EPHA4: variants seen among roughly 807,000 people sequenced by gnomAD.
The protein encoded by EPHA4 is EPH receptor A4.
EPHA4 carries 19 observed loss-of-function variants against 108.3 expected under a neutral mutation model. The ratio of observed to expected loss-of-function variants is 0.18; its 90% CI spans 0.12 to 0.26. The LOEUF is 0.26. EPHA4 is among the 10% of genes least tolerant of loss of function. The pLI is 1.00. For missense variants in EPHA4, 917 were observed against 1,254.0 expected (o/e 0.73, Z 4.06); for synonymous variants, 449 against 455.5 (o/e 0.99, Z 0.18).
At chr2:221,533,230 A>T (rs1234365268) in intron 3 of EPHA4, among the ~76,000 whole-genome samples, 1 of 152,230 alleles carries the variant, frequency 6.6e-6, no homozygotes, top group Non-Finnish European at 1.5e-5. Context: ...ACCATCAGGC[A>T]GCCCCATAGC....
chr2:221,515,904 T>C (rs1356188990), intron 3 of EPHA4, among the ~76,000 whole-genome samples: 2 of 151,406 alleles, frequency 1.3e-5, no homozygotes. Context: ...TAAAATAGGA[T>C]TTTTTCCCCC....
chr2:221,516,481 A>G, intron 3 of EPHA4, among the ~76,000 whole-genome samples: 1 of 151,668 alleles, frequency 6.6e-6, no homozygotes, highest in East Asian at 1.9e-4. Flanking sequence ...CTGCCTCCCA[A>G]GTAGCTGGGA....
intron 3 of EPHA4, among the ~76,000 whole-genome samples, chr2:221,522,792 T>C (rs1330505035): frequency 6.6e-6 from 1 of 151,694 alleles, no homozygotes; most frequent in Non-Finnish European, 1.5e-5. Flanking sequence ...AGACGGAGTC[T>C]CCCTCAGTTG....
intron 2 of EPHA4, among the ~76,000 whole-genome samples, chr2:221,564,939 T>C (rs1296663592): frequency 6.9e-6 from 1 of 145,568 alleles, no homozygotes; most frequent in Middle Eastern, 3.3e-3. Context: ...GCACCCTCAC[T>C]ACTCTTTAAA....
At chr2:221,535,947 C>T (rs1215718086) in intron 3 of EPHA4, among the ~76,000 whole-genome samples, 1 of 152,208 alleles carries the variant, frequency 6.6e-6, no homozygotes, top group Non-Finnish European at 1.5e-5. Context: ...CAAAACTCAG[C>T]TCCACCTACC....
intron 3 of EPHA4, among the ~76,000 whole-genome samples, chr2:221,519,377 C>T (rs566422518): frequency 2.6e-5 from 4 of 152,172 alleles, no homozygotes; most frequent in South Asian, 2.1e-4. Context: ...GACCTTAAGT[C>T]GGAGACAACA....
At chr2:221,432,254 G>C (rs1321861532) in intron 14 of EPHA4, among the ~76,000 whole-genome samples, 1 of 151,960 alleles carries the variant, frequency 6.6e-6, no homozygotes, top group Admixed American at 6.6e-5. Flanking sequence ...ACGAACATTT[G>C]GCCATGATTT....
At chr2:221,492,465 G>A (rs957613424) in intron 4 of EPHA4, among the ~76,000 whole-genome samples, 6 of 152,118 alleles carry the variant, frequency 3.9e-5, no homozygotes, top group African/African-American at 1.4e-4. Context: ...TGATCAGTCT[G>A]GGGTCTATCT....
intron 5 of EPHA4, among the ~76,000 whole-genome samples, chr2:221,476,078 G>T (rs1433964516): frequency 6.6e-6 from 1 of 152,132 alleles, no homozygotes; most frequent in African/African-American, 2.4e-5. Context: ...AACTTAGCTG[G>T]ATGTGGTGGC....
At chr2:221,460,933 A>G (rs1298637547) in intron 5 of EPHA4, among the ~76,000 whole-genome samples, 1 of 152,242 alleles carries the variant, frequency 6.6e-6, no homozygotes, top group Non-Finnish European at 1.5e-5. Flanking sequence ...CAGTATCTTT[A>G]ACTTCAACAG....
At chr2:221,446,277 C>T in intron 8 of EPHA4, 96 bp from the exon 9 acceptor site, 1 of 637,316 alleles carries the variant, frequency 1.6e-6, no homozygotes, top group Non-Finnish European at 2.4e-6. Context: ...GTAAGTCAGG[C>T]AGGTATGCTA....
At chr2:221,502,204 T>C (rs760349855) in intron 3 of EPHA4, among the ~76,000 whole-genome samples, 2 of 152,076 alleles carry the variant, frequency 1.3e-5, no homozygotes, top group Non-Finnish European at 2.9e-5. Context: ...CCCCACTCTT[T>C]TTCCTTCCCC....
chr2:221,458,057 A>C (rs937377352), intron 5 of EPHA4, 67 bp from the exon 6 acceptor site: 9 of 1,561,274 alleles, frequency 5.8e-6, no homozygotes, highest in Non-Finnish European at 7.8e-6. Context: ...GGTGGTAGCC[A>C]GAAATAATTT....
At chr2:221,493,493 C>T (rs191357916) in intron 4 of EPHA4, among the ~76,000 whole-genome samples, 449 of 152,208 alleles carry the variant, frequency 2.9e-3, no homozygotes, top group African/African-American at 0.01. Flanking sequence ...CCTCCCTTCT[C>T]CTGACCTTGG....
Position 221,482,647 on chromosome 2 carries a change from C to T in EPHA4, c.1023G>A (p.Glu341=). ...APLNLISNVN[E]TSVNLEWSSP... is the part of the protein sequence containing the mutation. Reference sequence around the variant, plus strand: ...TACTCCATTCCAAGTTCACAGATGTCTCGTTGACATTTGAAATCAAGTTCA... The same window carrying T: ...TACTCCATTCCAAGTTCACAGATGTTTCGTTGACATTTGAAATCAAGTTCA... Residue 341 remains glutamate, a synonymous_variant, in exon 5 of 18, where the codon GAG becomes GAA. Transcript: ENST00000281821. 6.2e-7 allele frequency: 1 copy of T among 1,602,658 alleles called. No individual in the cohort carries two copies. The highest frequency in any genetic ancestry group is 1.3e-5 in the African/African-American group (1 of 74,844).
chr2:221,480,599 A>T (rs1386679288), intron 5 of EPHA4, among the ~76,000 whole-genome samples: 1 of 152,222 alleles, frequency 6.6e-6, no homozygotes, highest in Non-Finnish European at 1.5e-5. Context: ...CTCCTAAATC[A>T]TACTAGTCTT....
At chr2:221,435,887 A>AT (rs974667641) in intron 13 of EPHA4, among the ~76,000 whole-genome samples, 7 of 151,274 alleles carry the variant, frequency 4.6e-5, no homozygotes, top group African/African-American at 7.3e-5. Context: ...TAGAATAAGG[A>AT]TTTTTTTTAA....
chr2:221,514,098 G>T lies in EPHA4; in HGVS notation c.824-12926C>A, dbSNP rs866770200. On this transcript the variant is annotated intron_variant, in intron 3 of 17. Coordinates refer to ENST00000281821, the MANE Select transcript of EPHA4 (RefSeq NM_004438.5). ...TATACTCCTGTAAGCCGGGGGGAGG[G>T]GGTTTGAAAATCTACTTAATGCATT... 4.1e-3 allele frequency among the ~76,000 whole-genome samples: 622 copies of T among 150,182 alleles called. 3 individuals carry two copies. The highest frequency in any genetic ancestry group is 7.7e-3 in the South Asian group (37 of 4,786).
At chr2:221,540,674 G>A (rs970319806) in intron 3 of EPHA4, among the ~76,000 whole-genome samples, 3 of 152,170 alleles carry the variant, frequency 2.0e-5, no homozygotes, top group African/African-American at 7.2e-5. Context: ...CCCTGCAACT[G>A]GATAACCAGC....
Sources: gnomAD v4.1 joint callset for allele counts (sites outside exome capture counted in the v4.1 genomes callset) on GRCh38, gnomAD v4.1.1 for gene constraint, MANE v1.5 for transcripts, NCBI Gene and HGNC (gene_info 2026-07-23, HGNC 2026-07-21) for gene names.